ITIH3: variants seen among roughly 807,000 people sequenced by gnomAD.
ITIH3 encodes inter-alpha-trypsin inhibitor heavy chain 3, also known as inter-alpha-trypsin inhibitor heavy chain H3.
In ITIH3, 81 loss-of-function variants were observed where a neutral mutation model predicts 96.5. The ratio of observed to expected loss-of-function variants is 0.84; its 90% CI spans 0.70 to 1.01. The LOEUF (loss-of-function observed/expected upper bound fraction) is 1.01, where lower values mean the gene tolerates loss of function less well. Ranked by LOEUF, ITIH3 falls within the 50% of genes least tolerant of loss-of-function variation. ITIH3 has a pLI of 0.00. For synonymous variants in ITIH3, 422 were observed against 445.2 expected (o/e 0.95, Z 0.66); for missense variants, 1,057 against 1,139.3 (o/e 0.93, Z 1.04).
intron 10 of ITIH3, 112 bp from the exon 11 acceptor site, chr3:52,800,853 G>A: frequency 1.3e-6 from 2 of 1,505,014 alleles, no homozygotes; most frequent in Non-Finnish European, 1.8e-6. Context: ...AAGGGCTCAT[G>A]GTCGTGACTC....
rs767686015 is a variant in ITIH3, at chr3:52,799,734, C to T, written c.907-19C>T. On this transcript the variant is annotated intron_variant, in intron 8 of 21. Coordinates refer to ENST00000449956, the MANE Select transcript of ITIH3 (RefSeq NM_002217.4). ...CACTCTCTGCTGCGGCTTCTCCCAGCTCTTTGTCTCTCCTCCAGACAAAGG... is the reference window on the plus strand; with the variant it reads ...CACTCTCTGCTGCGGCTTCTCCCAGTTCTTTGTCTCTCCTCCAGACAAAGG... 71 of 1,601,062 alleles carry T rather than the reference C, an allele frequency of 4.4e-5. No individual in the cohort carries two copies. The highest frequency in any genetic ancestry group is 5.2e-5 in the Non-Finnish European group (61 of 1,174,650).
Position 52,799,466 on chromosome 3 carries a change from T to C in ITIH3, c.884T>C (p.Met295Thr). The change falls in exon 8 of 22, where the codon ATG becomes ACG. Residue 295 changes from methionine to threonine, a missense_variant. By Grantham distance (81) the Met-to-Thr change is moderately conservative. Coordinates refer to ENST00000449956, the MANE Select transcript of ITIH3 (RefSeq NM_002217.4). ...TTTGTGATTGACATCAGCGGCTCCATGGCTGGTCGGAAATTAGAGCAGGTA... is the reference window on the plus strand; with the variant it reads ...TTTGTGATTGACATCAGCGGCTCCACGGCTGGTCGGAAATTAGAGCAGGTA... ...VAFVIDISGS[M>T]AGRKLEQTKE... 6.2e-7 allele frequency: 1 copy of C among 1,611,612 alleles called. No individual in the cohort carries two copies. Among genetic ancestry groups the C allele is most frequent in the Non-Finnish European group, 8.5e-7 (1 of 1,178,914 alleles).
chr3:52,797,081 G>A (rs1157528145), intron 4 of ITIH3, 24 bp from the exon 5 acceptor site: 5 of 1,602,038 alleles, frequency 3.1e-6, no homozygotes, highest in Non-Finnish European at 4.3e-6. Context: ...CTTTGAGGGA[G>A]TCACCATCTC....
chr3:52,803,311 ATT>A (rs1319418471), intron 13 of ITIH3, among the ~76,000 whole-genome samples: 5 of 125,694 alleles, frequency 4.0e-5, no homozygotes, highest in Non-Finnish European at 6.1e-5. Context: ...TATTTATTTT[ATT>A]TTATTATTAT....
At chr3:52,802,061 C>A (rs943479765) in intron 11 of ITIH3, 2 of 398,846 alleles carry the variant, frequency 5.0e-6, no homozygotes. Context: ...TAAATACTTT[C>A]TTTGTGCTAA....
Position 52,808,719 on chromosome 3 carries a change from A to G in ITIH3, c.*38A>G. 2 of 1,588,978 alleles carry G rather than the reference A, an allele frequency of 1.3e-6. No homozygotes were observed. The highest frequency in any genetic ancestry group is 2.2e-5 in the South Asian group (2 of 90,112). ...GCTCCTGTTGGGATGGATGGCCCGG[A>G]TTTTATGGCATCTGGAACATGGGCA... On this transcript the variant is annotated 3_prime_UTR_variant, in exon 22 of 22. Coordinates refer to ENST00000449956, the MANE Select transcript of ITIH3 (RefSeq NM_002217.4).
At position 52,797,939 on chromosome 3, in the gene ITIH3, G is replaced by A; in HGVS notation, c.663+9G>A. Reference sequence around the variant, plus strand: ...CCTTCTCAGGGAAAAAGGTGATGTAGATGCCTCTCAGACCTGGTGGGGCAG... The same window carrying A: ...CCTTCTCAGGGAAAAAGGTGATGTAAATGCCTCTCAGACCTGGTGGGGCAG... On this transcript the variant is annotated intron_variant, in intron 6 of 21. Transcript: ENST00000449956. The A allele has an allele frequency of 6.5e-7, 1 of 1,530,522 alleles. No homozygotes were observed. Among genetic ancestry groups the A allele is most frequent in the Non-Finnish European group, 8.9e-7 (1 of 1,119,104 alleles). 94.8% of individuals were successfully genotyped at this position (1,530,522 alleles called of 1,614,324 possible).
chr3:52,799,249 C>A, intron 7 of ITIH3, 123 bp from the exon 8 acceptor site: 1 of 1,180,598 alleles, frequency 8.5e-7, no homozygotes, highest in Non-Finnish European at 1.2e-6. Context: ...GCAGCACCCC[C>A]TAGAGGGTGG....
chr3:52,804,847 A>T, intron 15 of ITIH3, 113 bp downstream of exon 15: 2 of 1,214,700 alleles, frequency 1.6e-6, no homozygotes, highest in Non-Finnish European at 1.2e-6. Flanking sequence ...CACTTGGGAC[A>T]CCTGGGCTCA....
rs200095865 is a variant in ITIH3 at position 52,799,870 on chromosome 3, G to A, written c.1024G>A (p.Glu342Lys). The change falls in exon 9 of 22, where the codon GAG becomes AAG. Residue 342 changes from glutamate to lysine, a missense_variant. Transcript: ENST00000449956. ...AGAGCACTTAGTCCAGGCCACGCCC[G>A]AGAACCTCCAGGAGGCCAGGACGTT... ...WKEHLVQATPENLQEARTFVK... is the reference protein window; with the variant it reads ...WKEHLVQATPKNLQEARTFVK... 60 of 1,613,920 alleles carry A rather than the reference G, an allele frequency of 3.7e-5. No individual in the cohort carries two copies. Among genetic ancestry groups the A allele is most frequent in the South Asian group, 2.4e-4 (22 of 91,078 alleles).
At position 52,797,912 on chromosome 3, in the gene ITIH3, G is replaced by A. The variant is rs760894658; in HGVS notation, c.645G>A (p.Lys215=). ...ACCTCCTGGGAAGCGCCCTCACCAA[G>A]TCCTTCTCAGGGAAAAAGGTGATGT... ...TNDLLGSALT[K]SFSGKKGHVS... Residue 215 remains lysine (K), a synonymous_variant, in exon 6 of 22, where the codon AAG becomes AAA. Transcript: ENST00000449956. 19 of 1,599,610 alleles carry A rather than the reference G, an allele frequency of 1.2e-5. No individual in the cohort carries two copies. Among genetic ancestry groups the A allele is most frequent in the Admixed American group, 1.7e-5 (1 of 58,468 alleles).
intron 13 of ITIH3, among the ~76,000 whole-genome samples, chr3:52,803,634 T>C (rs932160371): frequency 6.6e-6 from 1 of 152,194 alleles, no homozygotes; most frequent in African/African-American, 2.4e-5. Context: ...TTACGTTTTA[T>C]AGGTGGGGAA....
rs1699598284 is a variant in ITIH3 at position 52,796,726 on chromosome 3, T to C, written c.282-13T>C. 3 of 1,608,960 alleles carry C rather than the reference T, an allele frequency of 1.9e-6. No homozygotes were observed. The South Asian group carries it at 3.3e-5, about 18-fold the overall frequency. On this transcript the variant is annotated splice_polypyrimidine_tract_variant and intron_variant, in intron 3 of 21. Transcript: ENST00000449956. ...AGTGTGATCTCCCTACCCCCAACTC[T>C]CTTTCCCTGCAGGACCATCGACGGT...
At chr3:52,803,361 C>T (rs893423864) in intron 13 of ITIH3, among the ~76,000 whole-genome samples, 2 of 150,594 alleles carry the variant, frequency 1.3e-5, no homozygotes, top group African/African-American at 2.4e-5. Flanking sequence ...CTCTGTCGCC[C>T]AGGCTGGAGT....
Position 52,807,053 on chromosome 3 carries a change from G to T in ITIH3, c.2209G>T (p.Ala737Ser). Residue 737 changes from alanine (A) to serine (S), a missense_variant, in exon 19 of 22, where the codon GCC (alanine) becomes TCC (serine). Coordinates refer to ENST00000449956, the MANE Select transcript of ITIH3 (RefSeq NM_002217.4). The part of the protein sequence containing the change: ...TTEKITLWNR[A>S]VPSTFSWLDT... ...GGAGAAGATCACCCTGTGGAACAGG[G>T]CCGTGCCGAGCACTTTCAGCTGGCT... 1 of 1,600,378 alleles carries T rather than the reference G, an allele frequency of 6.2e-7. No homozygotes were observed. The highest frequency in any genetic ancestry group is 1.1e-5 in the South Asian group (1 of 88,220).
intron 4 of ITIH3, 108 bp from the exon 5 acceptor site, chr3:52,796,997 G>T: frequency 7.3e-7 from 1 of 1,373,592 alleles, no homozygotes; most frequent in Non-Finnish European, 9.9e-7. Context: ...GTGAGGCTCA[G>T]AATGGTTAGG....
chr3:52,804,595 G>A (rs1277814052), intron 14 of ITIH3, 131 bp from the exon 15 acceptor site: 2 of 899,542 alleles, frequency 2.2e-6, no homozygotes, highest in South Asian at 3.2e-5. Context: ...ACACCCAGTG[G>A]GGGAAGAGCT....
At chr3:52,795,961 C>A in intron 2 of ITIH3, 1 of 333,960 alleles carries the variant, frequency 3.0e-6, no homozygotes, top group Non-Finnish European at 5.4e-6. Flanking sequence ...GGGGAGGGGG[C>A]TGGAACACCT....
In ITIH3 at chr3:52,808,447, G is replaced by A. The variant is rs1406324532; in HGVS notation, c.2544-105G>A. 4.1e-6 allele frequency: 6 copies of A among 1,460,162 alleles called. No homozygotes were observed. In the East Asian group the frequency reaches 1.4e-4, roughly 34 times the overall value. 90.5% of individuals were successfully genotyped at this position (1,460,162 alleles called of 1,614,324 possible). A position where few individuals can be genotyped will look rare whatever the true frequency, so the allele number is the denominator to read the frequency against. On this transcript the variant is annotated intron_variant, in intron 21 of 21. Transcript: ENST00000449956. ...TTCATTCTTGACCAAAGAATTCTGG[G>A]CTGTTAGAATTGCCAACTTCCCACC...
Sources: gnomAD v4.1 joint callset for allele counts (sites outside exome capture counted in the v4.1 genomes callset) on GRCh38, gnomAD v4.1.1 for gene constraint, MANE v1.5 for transcripts, NCBI Gene and HGNC (gene_info 2026-07-23, HGNC 2026-07-21) for gene names.